Variants in MYH9 observed in about 807,000 individuals in gnomAD.
The protein encoded by MYH9 is myosin heavy chain 9.
MYH9 carries 29 observed loss-of-function variants against 241.9 expected under a neutral mutation model. The observed-to-expected ratio is 0.12, with a 90% CI of 0.09 to 0.16. The LOEUF (loss-of-function observed/expected upper bound fraction) is 0.16, where lower values mean the gene tolerates loss of function less well. Among genes scored for constraint, MYH9 ranks in the 10% least tolerant of loss-of-function variants. The pLI is 1.00. For missense variants in MYH9, 1,803 were observed against 2,595.5 expected, an observed-to-expected ratio of 0.69 and a Z score of 6.63; for synonymous variants, 1,047 against 1,062.6, an observed-to-expected ratio of 0.99 and a Z score of 0.29.
chr22:36,288,210 T>C lies in MYH9; in HGVS notation c.4932+42A>G, dbSNP rs374606038. 2.4e-5 allele frequency: 38 copies of C among 1,610,474 alleles called. No homozygotes were observed. The highest frequency in any genetic ancestry group is 3.1e-5 in the Non-Finnish European group (36 of 1,179,464). On this transcript the variant is annotated intron_variant, in intron 34 of 40. Transcript: ENST00000216181. This position sits in a 1 kb window ranked among gnomAD's most constrained non-coding sequence, Gnocchi z 4.8. Reference sequence around the variant, plus strand: ...GCACCTTCATATGTAGTTGGCTCAGTCGGGTGCCGCCCACCCTCACCTGGG... The same window carrying C: ...GCACCTTCATATGTAGTTGGCTCAGCCGGGTGCCGCCCACCCTCACCTGGG...
At chr22:36,314,676 T>C (rs530724173) in intron 12 of MYH9, among the ~76,000 whole-genome samples, 1 of 151,716 alleles carries the variant, frequency 6.6e-6, no homozygotes, top group African/African-American at 2.4e-5. Flanking sequence ...TGAGACAGAG[T>C]CTCATTCTGT....
chr22:36,316,787 TGTGGGGG>T, intron 11 of MYH9, 118 bp from the exon 12 acceptor site: 1 of 1,202,176 alleles, frequency 8.3e-7, no homozygotes, highest in Non-Finnish European at 1.2e-6. Flanking sequence ...GCCCTAAGTA[TGTGGGGG>T]AAAAAAAAAA....
intron 3 of MYH9, among the ~76,000 whole-genome samples, chr22:36,339,542 A>G (rs2017549924): frequency 6.6e-6 from 1 of 152,212 alleles, no homozygotes; most frequent in Non-Finnish European, 1.5e-5. Context: ...GCCAAACTTG[A>G]GCATCCTACA....
intron 30 of MYH9, among the ~76,000 whole-genome samples, chr22:36,292,942 G>A (rs1165749162): frequency 6.6e-6 from 1 of 152,198 alleles, no homozygotes; most frequent in Admixed American, 6.5e-5. Flanking sequence ...AACAAACAGC[G>A]CAGGCCTGGG....
At position 36,295,401 on chromosome 22, in the gene MYH9, G is replaced by GGTGTGTGTGT. The variant is rs60043894; in HGVS notation, c.3485+94_3485+103dup. 1.2e-6 allele frequency: 1 copy of GGTGTGTGTGT among 808,622 alleles called. No individual in the cohort carries two copies. The allele number at this position is 808,622 out of a possible 1,614,324, so 50.1% of individuals were successfully genotyped here. A position where few individuals can be genotyped will look rare whatever the true frequency, so the allele number is the denominator to read the frequency against. On this transcript the variant is annotated intron_variant, in intron 26 of 40. Coordinates refer to ENST00000216181, the MANE Select transcript of MYH9 (RefSeq NM_002473.6). This position sits in a 1 kb window ranked among gnomAD's most constrained non-coding sequence, Gnocchi z 4.1. ...GCCTGCTGGTGCCTAAGAGGGCCAC[G>GGTGTGTGTGT]GTGTGTGTGTGTGTGTGTGTGCAGA...
chr22:36,296,766 C>T lies in MYH9; in HGVS notation c.3272+77G>A, dbSNP rs1011148672. The T allele has an allele frequency of 6.3e-5, 92 of 1,464,196 alleles. No homozygotes were observed. In the East Asian group the frequency reaches 2.1e-3, roughly 33 times the overall value. The allele number at this position is 1,464,196 out of a possible 1,614,324, so 90.7% of individuals were successfully genotyped here. On this transcript the variant is annotated intron_variant, in intron 25 of 40. Transcript: ENST00000216181. ...AAGAATGCTCACAGCTCACTAGTGC[C>T]GAGAACTAGGGCCAGCAGCAAGCAG...
At chr22:36,344,159 T>A (rs1343548538) in intron 2 of MYH9, among the ~76,000 whole-genome samples, 1 of 152,138 alleles carries the variant, frequency 6.6e-6, no homozygotes, top group Non-Finnish European at 1.5e-5. Flanking sequence ...GAGGCTCAGG[T>A]GGGAGGAAGG....
intron 1 of MYH9, among the ~76,000 whole-genome samples, chr22:36,376,849 G>A (rs7290933): frequency 0.045 from 6,877 of 152,194 alleles, 413 homozygotes; most frequent in African/African-American, 0.12. Context: ...GATCACCTGA[G>A]GTCTAGAGTT....
intron 1 of MYH9, among the ~76,000 whole-genome samples, chr22:36,386,270 C>T (rs796456557): frequency 4.6e-5 from 7 of 152,300 alleles, no homozygotes; most frequent in African/African-American, 1.7e-4. Context: ...CCCACCCCCC[C>T]ACCACCTGGC....
intron 1 of MYH9, among the ~76,000 whole-genome samples, chr22:36,354,437 C>T (rs903671468): frequency 2.0e-5 from 3 of 148,902 alleles, no homozygotes; most frequent in African/African-American, 7.5e-5. Context: ...ACCCTCTTAT[C>T]TAGTATACCA....
Position 36,312,343 on chromosome 22 carries a change from C to T in MYH9, c.1555-121G>A, listed in dbSNP as rs192529746. On this transcript the variant is annotated intron_variant, in intron 13 of 40. Transcript: ENST00000216181. Reference sequence around the variant, plus strand: ...TCCCACAGACGGTGGGCGACACACTCCCCAGGAGAAGCAAAGCACTGTTGA... The same window carrying T: ...TCCCACAGACGGTGGGCGACACACTTCCCAGGAGAAGCAAAGCACTGTTGA... 4 of 982,604 alleles carry T rather than the reference C, an allele frequency of 4.1e-6. No individual in the cohort carries two copies. In the South Asian group the frequency reaches 4.4e-5, roughly 11 times the overall value. The allele number at this position is 982,604 out of a possible 1,614,324, so 60.9% of individuals were successfully genotyped here.
rs2146331030 is a variant in MYH9 at position 36,288,194 on chromosome 22, T to C, written c.4932+58A>G. 6 of 1,604,128 alleles carry C rather than the reference T, an allele frequency of 3.7e-6. No homozygotes were observed. Among genetic ancestry groups the C allele is most frequent in the Admixed American group, 3.3e-5 (2 of 60,004 alleles). ...CCTGGGCCGAGCCCTGGCACCTTCA[T>C]ATGTAGTTGGCTCAGTCGGGTGCCG... On this transcript the variant is annotated intron_variant, in intron 34 of 40. Transcript: ENST00000216181. This position sits in a 1 kb window ranked among gnomAD's most constrained non-coding sequence, Gnocchi z 4.8.
chr22:36,368,080 G>A (rs144490506), intron 1 of MYH9, among the ~76,000 whole-genome samples: 163 of 152,322 alleles, frequency 1.1e-3, no homozygotes, highest in African/African-American at 3.7e-3. Flanking sequence ...CCAACCTGGA[G>A]GTAAGCGCTG....
Position 36,288,546 on chromosome 22 carries a change from C to A in MYH9, c.4771-133G>T. The A allele has an allele frequency of 7.3e-7, 1 of 1,368,330 alleles. No homozygotes were observed. The highest frequency in any genetic ancestry group is 1.0e-6 in the Non-Finnish European group (1 of 974,636). The allele number at this position is 1,368,330 out of a possible 1,614,324, so 84.8% of individuals were successfully genotyped here. On this transcript the variant is annotated intron_variant, in intron 33 of 40. Transcript: ENST00000216181. This position sits in a 1 kb window ranked among gnomAD's most constrained non-coding sequence, Gnocchi z 4.8. ...CGGGAAACCAGTGGGGATTACTGAC[C>A]ATAAGAACTCTAAGAAAGTGAGTCA... is the stretch of plus-strand genomic sequence containing the variant.
At chr22:36,318,664 C>T (rs2017199378) in intron 10 of MYH9, among the ~76,000 whole-genome samples, 1 of 152,212 alleles carries the variant, frequency 6.6e-6, no homozygotes, top group Non-Finnish European at 1.5e-5. Context: ...CTCAGCCGCA[C>T]TCCTCAGAGT....
chr22:36,338,706 G>C (rs1023668549), intron 3 of MYH9, among the ~76,000 whole-genome samples: 10 of 151,918 alleles, frequency 6.6e-5, no homozygotes, highest in African/African-American at 2.4e-4. Flanking sequence ...TGTAATCCCA[G>C]CTACTCAGGA....
intron 14 of MYH9, among the ~76,000 whole-genome samples, chr22:36,310,526 C>T (rs185916338): frequency 6.6e-6 from 1 of 152,362 alleles, no homozygotes; most frequent in East Asian, 1.9e-4. Context: ...AAACTGCAGC[C>T]CAGAGGTGCT....
chr22:36,304,937 CGACCACT>C, intron 18 of MYH9, 89 bp downstream of exon 18: 1 of 1,255,456 alleles, frequency 8.0e-7, no homozygotes, highest in Non-Finnish European at 1.2e-6. Flanking sequence ...GGGCATCCAC[CGACCACT>C]GATATAGCAA....
intron 1 of MYH9, among the ~76,000 whole-genome samples, chr22:36,384,972 G>T (rs2018329237): frequency 6.6e-6 from 1 of 151,992 alleles, no homozygotes; most frequent in South Asian, 2.1e-4. Context: ...GCACACCAAG[G>T]GTTAAGGCTG....
Sources: gnomAD v4.1 joint callset for allele counts (sites outside exome capture counted in the v4.1 genomes callset) on GRCh38, gnomAD v4.1.1 for gene constraint, Gnocchi (gnomAD v3.1) non-coding constraint, MANE v1.5 for transcripts, NCBI Gene and HGNC (gene_info 2026-07-23, HGNC 2026-07-21) for gene names.